The following MAP7 variants were observed in gnomAD, a reference collection of about 807,000 sequenced individuals.
MAP7 encodes the protein ensconsin.
Under a neutral mutation model 94.8 loss-of-function variants are expected in MAP7, and 52 were observed. The observed-to-expected ratio is 0.55, with a 90% CI of 0.44 to 0.69. MAP7 has a LOEUF of 0.69. Ranked by LOEUF, MAP7 falls within the 30% of genes least tolerant of loss-of-function variation. MAP7 has a pLI of 0.00. For missense variants in MAP7, 940 were observed against 964.6 expected (o/e 0.97, Z 0.34); for synonymous variants, 350 against 357.0 (o/e 0.98, Z 0.22).
intron 1 of MAP7, among the ~76,000 whole-genome samples, chr6:136,489,164 C>A (rs1464011363): frequency 1.5e-5 from 2 of 137,842 alleles, no homozygotes; most frequent in Non-Finnish European, 1.5e-5. Flanking sequence ...CAAGAGTAGA[C>A]TAGTTGTATT....
chr6:136,535,575 G>A (rs1215264486), intron 1 of MAP7, among the ~76,000 whole-genome samples: 1 of 152,106 alleles, frequency 6.6e-6, no homozygotes, highest in East Asian at 1.9e-4. Flanking sequence ...GGGTAAGTTT[G>A]AGGCTTGGTC....
intron 3 of MAP7, among the ~76,000 whole-genome samples, chr6:136,393,558 T>C (rs1372702380): frequency 6.6e-6 from 1 of 152,166 alleles, no homozygotes; most frequent in African/African-American, 2.4e-5. Context: ...TCCACAGAAG[T>C]GCCATCTCTT....
chr6:136,525,748 GCA>G, intron 1 of MAP7: 4 of 1,412,302 alleles, frequency 2.8e-6, no homozygotes, highest in Non-Finnish European at 3.8e-6. Context: ...TGCACGAGCA[GCA>G]CAGTTTATAA....
At chr6:136,447,974 G>C (rs1799858200) in intron 1 of MAP7, among the ~76,000 whole-genome samples, 1 of 151,994 alleles carries the variant, frequency 6.6e-6, no homozygotes, top group South Asian at 2.1e-4. Flanking sequence ...GGCAGATCAC[G>C]AGGTCAGGAG....
intron 1 of MAP7, among the ~76,000 whole-genome samples, chr6:136,484,110 G>C (rs1813826683): frequency 6.6e-6 from 1 of 152,132 alleles, no homozygotes; most frequent in Non-Finnish European, 1.5e-5. Flanking sequence ...TCTTATTCTT[G>C]GCTCACGCGA....
intron 3 of MAP7, among the ~76,000 whole-genome samples, chr6:136,401,573 C>A (rs866780645): frequency 6.6e-6 from 1 of 152,052 alleles, no homozygotes; most frequent in Non-Finnish European, 1.5e-5. Flanking sequence ...TAGGTGGGAA[C>A]TGAACAATGA....
chr6:136,460,612 G>A (rs1804886675), intron 1 of MAP7, among the ~76,000 whole-genome samples: 1 of 152,014 alleles, frequency 6.6e-6, no homozygotes, highest in African/African-American at 2.4e-5. Context: ...TTTCTTCTAG[G>A]TTAGAAGGGT....
rs756689762 is a variant in MAP7 at position 136,361,000 on chromosome 6, C to T, written c.1701+5G>A. ...GGCCGGGGCCAGGGTGGGGTGCGGC[C>T]GCACCTGCCTCTGGGCGCGCTCTGC... On this transcript the variant is annotated splice_donor_5th_base_variant and intron_variant, in intron 12 of 17. Transcript: ENST00000354570. 2.2e-5 allele frequency: 35 copies of T among 1,563,024 alleles called. No individual in the cohort carries two copies. The East Asian group carries it at 4.0e-4, about 18-fold the overall frequency.
At chr6:136,350,580 TCA>T (rs1788888832) in intron 16 of MAP7, among the ~76,000 whole-genome samples, 1 of 152,218 alleles carries the variant, frequency 6.6e-6, no homozygotes, top group African/African-American at 2.4e-5. Flanking sequence ...GCGTGGTGAC[TCA>T]CGCCTGTAAT....
At chr6:136,536,163 CATCA>C (rs1828870130) in intron 1 of MAP7, among the ~76,000 whole-genome samples, 1 of 152,088 alleles carries the variant, frequency 6.6e-6, no homozygotes, top group South Asian at 2.1e-4. Flanking sequence ...ATTCCTAATG[CATCA>C]ATAATTTTTT....
At chr6:136,357,122 A>G (rs554914798) in intron 15 of MAP7, among the ~76,000 whole-genome samples, 1 of 152,360 alleles carries the variant, frequency 6.6e-6, no homozygotes, top group South Asian at 2.1e-4. Flanking sequence ...AGCAACTGAT[A>G]AAGATAGCAG....
chr6:136,389,322 GC>G (rs1780031349), intron 4 of MAP7, 31 bp downstream of exon 4: 1 of 1,513,104 alleles, frequency 6.6e-7, no homozygotes, highest in Admixed American at 2.3e-5. Context: ...AACTAGAGGA[GC>G]CACTCATATT....
chr6:136,540,355 A>C (rs1829203014), intron 1 of MAP7, among the ~76,000 whole-genome samples: 1 of 152,170 alleles, frequency 6.6e-6, no homozygotes, highest in South Asian at 2.1e-4. Flanking sequence ...AAATACTTTA[A>C]TATCTACCCC....
rs531656108 is a variant in MAP7, at chr6:136,419,550, T to C, written c.166+2151A>G. Among the ~76,000 whole-genome samples the C allele has an allele frequency of 1.4e-4, 22 of 152,252 alleles. No individual in the cohort carries two copies. The South Asian group carries it at 4.4e-3, about 30-fold the overall frequency. The stretch of plus-strand genomic sequence containing the variant: ...CATCCATAATCCTCTTTTTATAGTA[T>C]AAAGAAGGCTGATATTCAGGCCCCC... On this transcript the variant is annotated intron_variant, in intron 2 of 17. Coordinates refer to ENST00000354570, the MANE Select transcript of MAP7 (RefSeq NM_003980.6).
chr6:136,546,094 C>A (rs1163741082), intron 1 of MAP7, among the ~76,000 whole-genome samples: 1 of 152,124 alleles, frequency 6.6e-6, no homozygotes, highest in African/African-American at 2.4e-5. Flanking sequence ...CTCACTGCAA[C>A]CTCAACCTCC....
At chr6:136,404,738 A>G (rs913714743) in intron 3 of MAP7, among the ~76,000 whole-genome samples, 3 of 152,224 alleles carry the variant, frequency 2.0e-5, no homozygotes, top group Non-Finnish European at 1.5e-5. Flanking sequence ...CTTAAACAAA[A>G]CTTAAACACA....
chr6:136,402,327 T>A (rs545098570), intron 3 of MAP7, among the ~76,000 whole-genome samples: 1 of 152,352 alleles, frequency 6.6e-6, no homozygotes, highest in Non-Finnish European at 1.5e-5. Context: ...ACTAAAGAGT[T>A]AAAGGACAGA....
chr6:136,481,006 G>A (rs1812687449), intron 1 of MAP7, among the ~76,000 whole-genome samples: 1 of 152,122 alleles, frequency 6.6e-6, no homozygotes, highest in African/African-American at 2.4e-5. Flanking sequence ...TGTCAAATAG[G>A]TATATGAAAA....
chr6:136,357,163 A>G (rs746061419), intron 15 of MAP7, among the ~76,000 whole-genome samples: 6 of 152,228 alleles, frequency 3.9e-5, no homozygotes, highest in Non-Finnish European at 8.8e-5. Context: ...GACACTGAAT[A>G]TCTTTACAAA....
Sources: gnomAD v4.1 joint callset for allele counts (sites outside exome capture counted in the v4.1 genomes callset) on GRCh38, gnomAD v4.1.1 for gene constraint, MANE v1.5 for transcripts, NCBI Gene and HGNC (gene_info 2026-07-23, HGNC 2026-07-21) for gene names.